Variants in UBE2B observed in about 807,000 individuals in gnomAD.
UBE2B encodes the protein ubiquitin-conjugating enzyme E2 B.
Under a neutral mutation model 24.6 loss-of-function variants are expected in UBE2B, and 11 were observed. The observed-to-expected ratio is 0.45, with a 90% confidence interval of 0.28 to 0.74. The LOEUF (loss-of-function observed/expected upper bound fraction) is 0.74, where lower values mean the gene tolerates loss of function less well. Ranked by LOEUF, UBE2B falls within the 30% of genes least tolerant of loss-of-function variation. The probability of loss-of-function intolerance (pLI) is 0.13; values close to 1 mark genes in which losing one functional copy is unlikely to be tolerated. For missense variants in UBE2B, 78 were observed against 185.6 expected (o/e 0.42, Z 3.37); for synonymous variants, 68 against 62.4 (o/e 1.09, Z -0.42).
chr5:134,388,056 G>C lies in UBE2B; in HGVS notation c.242-269G>C, dbSNP rs910495531. 5.8e-5 allele frequency: 25 copies of C among 429,034 alleles called. No homozygotes were observed. The Admixed American group carries it at 8.2e-4, about 14-fold the overall frequency. 26.6% of individuals were successfully genotyped at this position (429,034 alleles called of 1,614,324 possible). On this transcript the variant is annotated intron_variant, in intron 4 of 5. Coordinates refer to ENST00000265339, the MANE Select transcript of UBE2B (RefSeq NM_003337.4). ...GACCTCAAGCAATCCTGCCTGCCTC[G>C]GCCTCCCAAAGTGTTCAGGACTGGC...
In UBE2B at chr5:134,390,281, T is replaced by C. The variant is rs972625854; in HGVS notation, c.387T>C (p.Leu129=). Residue 129 remains leucine, a synonymous_variant, in exon 6 of 6, where the codon CTT becomes CTC. Coordinates refer to ENST00000265339, the MANE Select transcript of UBE2B (RefSeq NM_003337.4). This position sits in a 1 kb window ranked among gnomAD's most constrained non-coding sequence, Gnocchi z 4.6. ...NSPANSQAAQ[L]YQENKREYEK... ...CAGCCAATAGCCAGGCAGCACAGCTTTATCAGGAAAACAAACGAGAATATG... is the reference window on the plus strand; with the variant it reads ...CAGCCAATAGCCAGGCAGCACAGCTCTATCAGGAAAACAAACGAGAATATG... 8.1e-6 allele frequency: 13 copies of C among 1,614,044 alleles called. No individual in the cohort carries two copies. In the Admixed American group the frequency reaches 1.8e-4, roughly 23 times the overall value.
intron 1 of UBE2B, among the ~76,000 whole-genome samples, chr5:134,372,229 G>C (rs1758467485): frequency 6.6e-6 from 1 of 152,206 alleles, no homozygotes; most frequent in African/African-American, 2.4e-5. Context: ...AACTGACTTA[G>C]AGATCTGGGA....
intron 3 of UBE2B, among the ~76,000 whole-genome samples, chr5:134,379,664 AGG>A (rs1758672536): frequency 1.2e-4 from 18 of 150,142 alleles, no homozygotes; most frequent in African/African-American, 3.7e-4. Flanking sequence ...AAAAAAAAAA[AGG>A]AAGAAAGAAA....
intron 1 of UBE2B, among the ~76,000 whole-genome samples, chr5:134,372,231 G>T: frequency 6.6e-6 from 1 of 152,202 alleles, no homozygotes; most frequent in Admixed American, 6.5e-5. Context: ...CTGACTTAGA[G>T]ATCTGGGACC....
intron 1 of UBE2B, among the ~76,000 whole-genome samples, chr5:134,373,316 T>C (rs72798614): frequency 9.7e-4 from 147 of 152,178 alleles, no homozygotes; most frequent in Middle Eastern, 3.4e-3. Flanking sequence ...GTTTGCTTTT[T>C]TTTTTTTTCT....
intron 4 of UBE2B, among the ~76,000 whole-genome samples, chr5:134,383,369 G>A (rs374409480): frequency 7.1e-4 from 108 of 151,552 alleles, no homozygotes; most frequent in African/African-American, 2.5e-3. Context: ...GAGTACAGTC[G>A]TGTGATCTCG....
chr5:134,376,317 C>A (rs1277097707), intron 2 of UBE2B, among the ~76,000 whole-genome samples: 1 of 10,230 alleles, frequency 9.8e-5, no homozygotes, highest in Non-Finnish European at 2.0e-4. Context: ...AGCAAAACTC[C>A]GTCTCAAAAA....
At chr5:134,377,754 A>G (rs1019155024) in intron 3 of UBE2B, among the ~76,000 whole-genome samples, 2 of 152,190 alleles carry the variant, frequency 1.3e-5, no homozygotes, top group Admixed American at 1.3e-4. Context: ...ATCTCATCAT[A>G]CTAAGACTGT....
chr5:134,373,950 T>C (rs1365800723), intron 1 of UBE2B, among the ~76,000 whole-genome samples: 1 of 152,222 alleles, frequency 6.6e-6, no homozygotes, highest in African/African-American at 2.4e-5. Flanking sequence ...AACATACGTG[T>C]GCATGTGTCT....
At chr5:134,372,453 ACC>A in intron 1 of UBE2B, among the ~76,000 whole-genome samples, 1 of 152,156 alleles carries the variant, frequency 6.6e-6, no homozygotes, top group East Asian at 1.9e-4. Context: ...TCCGTTGTTT[ACC>A]TTTTATTGGA....
intron 2 of UBE2B, among the ~76,000 whole-genome samples, chr5:134,375,389 A>G (rs963325158): frequency 6.6e-6 from 1 of 152,186 alleles, no homozygotes; most frequent in East Asian, 1.9e-4. Flanking sequence ...TTTGCATTAA[A>G]AAGTAAAAGG....
At chr5:134,383,263 A>T (rs1330715415) in intron 4 of UBE2B, among the ~76,000 whole-genome samples, 3 of 152,150 alleles carry the variant, frequency 2.0e-5, no homozygotes, top group Non-Finnish European at 2.9e-5. Context: ...GATAGTTTTC[A>T]GTTGTTTACA....
rs1262260253 is a variant in UBE2B at position 134,390,993 on chromosome 5, G to T, written c.*640G>T. 1.3e-5 allele frequency: 2 copies of T among 153,396 alleles called. No homozygotes were observed. The highest frequency in any genetic ancestry group is 4.8e-5 in the African/African-American group (2 of 41,414). 9.5% of individuals were successfully genotyped at this position (153,396 alleles called of 1,614,324 possible). On this transcript the variant is annotated 3_prime_UTR_variant, in exon 6 of 6. Transcript: ENST00000265339. This position sits in a 1 kb window ranked among gnomAD's most constrained non-coding sequence, Gnocchi z 4.6. The stretch of plus-strand genomic sequence containing the variant: ...AATTGAGTAATTCTAGACATAACTG[G>T]TTTGACTCTGTCCAACTCTGTATTT...
At chr5:134,372,530 A>C (rs1036968234) in intron 1 of UBE2B, among the ~76,000 whole-genome samples, 3 of 152,198 alleles carry the variant, frequency 2.0e-5, no homozygotes, top group Non-Finnish European at 4.4e-5. Flanking sequence ...ATTTTTCTTA[A>C]CATTTTTTCT....
chr5:134,388,108 A>G, intron 4 of UBE2B: 1 of 563,760 alleles, frequency 1.8e-6, no homozygotes, highest in Non-Finnish European at 3.2e-6. Flanking sequence ...AGCCTCCAGC[A>G]ATTACATTTC....
intron 4 of UBE2B, among the ~76,000 whole-genome samples, chr5:134,386,016 A>AAAAAAG (rs1414471026): frequency 7.0e-6 from 1 of 143,734 alleles, no homozygotes; most frequent in East Asian, 2.0e-4. Flanking sequence ...CCATCTCAAA[A>AAAAAAG]AAAAAGAAAA....
At chr5:134,374,500 T>G (rs1396870434) in intron 2 of UBE2B, 37 bp downstream of exon 2, 1 of 1,545,390 alleles carries the variant, frequency 6.5e-7, no homozygotes, top group Admixed American at 2.0e-5. Flanking sequence ...AGGTGTGTGC[T>G]GAATCTTTAA....
chr5:134,386,632 CA>C (rs941889424), intron 4 of UBE2B, among the ~76,000 whole-genome samples: 178 of 131,668 alleles, frequency 1.4e-3, no homozygotes, highest in East Asian at 1.3e-3. Flanking sequence ...AACTCCATCT[CA>C]AAAAAAAAAA....
intron 3 of UBE2B, among the ~76,000 whole-genome samples, chr5:134,378,264 T>C (rs1482797504): frequency 6.6e-6 from 1 of 152,064 alleles, no homozygotes; most frequent in African/African-American, 2.4e-5. Context: ...TGTGGGTTTT[T>C]TTTGTTTGTT....
Sources: gnomAD v4.1 joint callset for allele counts (sites outside exome capture counted in the v4.1 genomes callset) on GRCh38, gnomAD v4.1.1 for gene constraint, Gnocchi (gnomAD v3.1) non-coding constraint, MANE v1.5 for transcripts, NCBI Gene and HGNC (gene_info 2026-07-23, HGNC 2026-07-21) for gene names.